The following ADGRD1 variants were observed in gnomAD, a reference collection of about 807,000 sequenced individuals.
ADGRD1 encodes G-protein coupled receptor 133.
ADGRD1 carries 77 observed loss-of-function variants against 113.4 expected under a neutral mutation model. The observed-to-expected ratio is 0.68, with a 90% CI of 0.57 to 0.82. The LOEUF (loss-of-function observed/expected upper bound fraction) is 0.82. Ranked by LOEUF, ADGRD1 falls within the 40% of genes least tolerant of loss-of-function variation. The pLI is 0.00. For synonymous variants in ADGRD1, 474 were observed against 475.0 expected, an observed-to-expected ratio of 1.00 and a Z score of 0.03; for missense variants, 1,036 against 1,139.1, an observed-to-expected ratio of 0.91 and a Z score of 1.30.
At chr12:131,004,398 G>C in intron 11 of ADGRD1, 102 bp downstream of exon 11, 2 of 891,550 alleles carry the variant, frequency 2.2e-6, no homozygotes, top group Non-Finnish European at 3.6e-6. Flanking sequence ...GGGAGCTGCG[G>C]TGCTCCCCCG....
intron 13 of ADGRD1, among the ~76,000 whole-genome samples, chr12:131,064,207 G>C (rs145910508): frequency 2.0e-5 from 3 of 152,224 alleles, no homozygotes; most frequent in African/African-American, 7.2e-5. Flanking sequence ...AGTACTATTT[G>C]AACAACAGTA....
chr12:130,981,967 A>G lies in ADGRD1; in HGVS notation c.394A>G (p.Asn132Asp), dbSNP rs1460655850. 6.2e-7 allele frequency: 1 copy of G among 1,613,630 alleles called. No individual in the cohort carries two copies. Among genetic ancestry groups the G allele is most frequent in the Non-Finnish European group, 8.5e-7 (1 of 1,179,644 alleles). ...PSAYGGQVIS[N>D]GFKVCSSGGR... ...TGCGTATGGGGGACAGGTCATCTCC[A>G]ATGGGTTCAAAGTCTGCTCCAGCGG... is the stretch of plus-strand genomic sequence containing the variant. The change falls in exon 5 of 25, where the codon AAT becomes GAT. Residue 132 changes from asparagine to aspartate, a missense_variant. Physicochemically the swap from Asn to Asp is conservative, Grantham distance 23 (BLOSUM62 1). Transcript: ENST00000261654.
chr12:131,030,947 T>C (rs1410471484), intron 13 of ADGRD1, among the ~76,000 whole-genome samples: 1 of 152,194 alleles, frequency 6.6e-6, no homozygotes, highest in Non-Finnish European at 1.5e-5. Flanking sequence ...TGTCACAATG[T>C]GCAGTGTGTC....
Position 130,965,441 on chromosome 12 carries a change from C to A in ADGRD1, c.104-1022C>A, listed in dbSNP as rs1413645359. ...CTATTAGTCTGTCCTTTTCTATGAT[C>A]TAGCAGTCGCTTGGGGCAGTTGATT... On this transcript the variant is annotated intron_variant, in intron 2 of 24. Coordinates refer to ENST00000261654, the MANE Select transcript of ADGRD1 (RefSeq NM_198827.5). The surrounding 1 kb of genome is among the most constrained non-coding windows in gnomAD (Gnocchi z 4.8). Among the ~76,000 whole-genome samples the A allele has an allele frequency of 2.0e-4, 31 of 152,128 alleles. No homozygotes were observed. Among genetic ancestry groups the A allele is most frequent in the Non-Finnish European group, 1.5e-5 (1 of 68,022 alleles).
chr12:131,077,850 G>A (rs181270758), intron 14 of ADGRD1, among the ~76,000 whole-genome samples: 88 of 152,260 alleles, frequency 5.8e-4, no homozygotes, highest in Non-Finnish European at 9.6e-4. Context: ...CAATCCTTCC[G>A]CCTCTCAAAG....
At chr12:130,986,953 T>C in intron 5 of ADGRD1, 142 bp from the exon 6 acceptor site, 1 of 679,686 alleles carries the variant, frequency 1.5e-6, no homozygotes. Context: ...CAGGTCTGTG[T>C]TATACCTTGT....
In ADGRD1 at chr12:131,075,720, CT is replaced by C. The variant is rs1415753490; in HGVS notation, c.1474-1077del. Among the ~76,000 whole-genome samples the C allele has an allele frequency of 6.6e-6, 1 of 152,158 alleles. No homozygotes were observed. Among genetic ancestry groups the C allele is most frequent in the Non-Finnish European group, 1.5e-5 (1 of 68,030 alleles). Reference sequence around the variant, plus strand: ...CTGCTGCTTCCTGGGAAAGGAGGGGCTTTTGGTCGAGGCCAGGATGGCGCTC... The same window carrying C: ...CTGCTGCTTCCTGGGAAAGGAGGGGCTTTGGTCGAGGCCAGGATGGCGCTC... On this transcript the variant is annotated intron_variant, in intron 13 of 24. Coordinates refer to ENST00000261654, the MANE Select transcript of ADGRD1 (RefSeq NM_198827.5). The surrounding 1 kb of genome is among the most constrained non-coding windows in gnomAD (Gnocchi z 5.3).
chr12:131,013,227 C>T (rs1207156234), intron 12 of ADGRD1, among the ~76,000 whole-genome samples: 2 of 152,126 alleles, frequency 1.3e-5, no homozygotes, highest in Non-Finnish European at 2.9e-5. Flanking sequence ...GGCGGAAAAC[C>T]CATCTTTAAC....
intron 13 of ADGRD1, among the ~76,000 whole-genome samples, chr12:131,059,401 G>T (rs186354404): frequency 1.4e-3 from 220 of 152,206 alleles, no homozygotes; most frequent in Non-Finnish European, 2.7e-3. Context: ...GGCTGGTCTT[G>T]AACTCTTGAC....
Position 131,131,745 on chromosome 12 carries a change from C to T in ADGRD1, c.2196C>T (p.Ile732=), listed in dbSNP as rs142002092. Residue 732 remains isoleucine, a synonymous_variant, in exon 21 of 25, where the codon ATC becomes ATT. Coordinates refer to ENST00000261654, the MANE Select transcript of ADGRD1 (RefSeq NM_198827.5). The stretch of plus-strand genomic sequence containing the variant: ...TGCAGGTCAACATTGGCATCCTCAT[C>T]GCTGTGACCAGAGTCATCTCACAGA... The part of the protein sequence containing the change: ...FVIVVNIGIL[I]AVTRVISQIS... The T allele has an allele frequency of 1.2e-5, 19 of 1,610,184 alleles. No individual in the cohort carries two copies. Among genetic ancestry groups the T allele is most frequent in the African/African-American group, 4.0e-5 (3 of 74,648 alleles).
At chr12:131,036,548 TGGGCCTCACTCACTGCATG>T (rs1266735416) in intron 13 of ADGRD1, among the ~76,000 whole-genome samples, 3 of 103,956 alleles carry the variant, frequency 2.9e-5, no homozygotes, top group South Asian at 3.6e-4. Flanking sequence ...CTTGCTACAC[TGGGCCTCACTCACTGCATG>T]GGGCCTCACT....
chr12:131,090,214 A>T (rs1436801105), intron 15 of ADGRD1, among the ~76,000 whole-genome samples: 1 of 152,234 alleles, frequency 6.6e-6, no homozygotes, highest in Non-Finnish European at 1.5e-5. Flanking sequence ...GTTTAAAATT[A>T]TCTGTGCTAA....
At chr12:131,063,719 A>G (rs1417328728) in intron 13 of ADGRD1, among the ~76,000 whole-genome samples, 2 of 152,232 alleles carry the variant, frequency 1.3e-5, no homozygotes, top group African/African-American at 2.4e-5. Flanking sequence ...GCTTGAGCAC[A>G]TGATTCATAT....
In ADGRD1 at chr12:131,014,413, T is replaced by C. The variant is rs1878318212; in HGVS notation, c.1473+73T>C. ...ACACTGAGGAATGCTGGGTTGTCTG[T>C]GTGCTTGCATAAAGAATCTCCAACA... On this transcript the variant is annotated intron_variant, in intron 13 of 24. Transcript: ENST00000261654. 9 of 1,358,196 alleles carry C rather than the reference T, an allele frequency of 6.6e-6. No homozygotes were observed. The Admixed American group carries it at 1.6e-4, about 24-fold the overall frequency. 84.1% of individuals were successfully genotyped at this position (1,358,196 alleles called of 1,614,324 possible).
intron 15 of ADGRD1, among the ~76,000 whole-genome samples, chr12:131,095,081 A>C (rs1887190712): frequency 6.6e-6 from 1 of 152,096 alleles, no homozygotes; most frequent in African/African-American, 2.4e-5. Context: ...AGCCCTGGGA[A>C]CAGGGCTGAC....
At chr12:130,982,299 G>C (rs1873102937) in intron 5 of ADGRD1, among the ~76,000 whole-genome samples, 1 of 152,204 alleles carries the variant, frequency 6.6e-6, no homozygotes, top group South Asian at 2.1e-4. Flanking sequence ...CCCGTGCACT[G>C]TGTGCCTGCT....
Position 131,026,863 on chromosome 12 carries a change from C to G in ADGRD1, c.1473+12523C>G, listed in dbSNP as rs747994746. 2 of 152,278 alleles carry G rather than the reference C, an allele frequency of 1.3e-5. 1 individual carries two copies. The highest frequency in any genetic ancestry group is 4.1e-4 in the South Asian group (2 of 4,822). 9.4% of individuals were successfully genotyped at this position (152,278 alleles called of 1,614,324 possible). ...TGCTACTCGTCACTATTCCATATTCCATTATATGAATAGGCCACCGCTGAC... is the reference window on the plus strand; with the variant it reads ...TGCTACTCGTCACTATTCCATATTCGATTATATGAATAGGCCACCGCTGAC... On this transcript the variant is annotated intron_variant, in intron 13 of 24. Transcript: ENST00000261654.
chr12:131,017,557 CCACACACTCAGTCCA>C (rs1309770149), intron 13 of ADGRD1, among the ~76,000 whole-genome samples: 29 of 136,158 alleles, frequency 2.1e-4, no homozygotes, highest in South Asian at 5.0e-4. Flanking sequence ...CACACTCACT[CCACACACTCAGTCCA>C]CACACACTCA....
chr12:131,045,741 T>C lies in ADGRD1; in HGVS notation c.1474-31060T>C, dbSNP rs186888612. 1.2e-4 allele frequency among the ~76,000 whole-genome samples: 19 copies of C among 152,258 alleles called. No homozygotes were observed. In the East Asian group the frequency reaches 3.5e-3, roughly 28 times the overall value. The stretch of plus-strand genomic sequence containing the variant: ...GTCTCATTCCGAAGATCATGCTTTC[T>C]CCTTGGGGGACAAAGCACCACAGCT... On this transcript the variant is annotated intron_variant, in intron 13 of 24. Transcript: ENST00000261654.
Sources: gnomAD v4.1 joint callset for allele counts (sites outside exome capture counted in the v4.1 genomes callset) on GRCh38, gnomAD v4.1.1 for gene constraint, Gnocchi (gnomAD v3.1) non-coding constraint, MANE v1.5 for transcripts, NCBI Gene and HGNC (gene_info 2026-07-23, HGNC 2026-07-21) for gene names.